The following ULK4 variants were observed in gnomAD, a reference collection of about 807,000 sequenced individuals.
The protein encoded by ULK4 is unc-51 like kinase 4, also known as inactive serine/threonine-protein kinase ULK4.
Under a neutral mutation model 160.6 loss-of-function variants are expected in ULK4, and 133 were observed. The observed-to-expected ratio is 0.83, with a 90% CI of 0.72 to 0.96. The LOEUF (loss-of-function observed/expected upper bound fraction) is 0.96, where lower values mean the gene tolerates loss of function less well. Ranked by LOEUF, ULK4 falls within the 40% of genes least tolerant of loss-of-function variation. ULK4 has a pLI of 0.00. For missense variants in ULK4, 1,580 were observed against 1,499.5 expected (o/e 1.05, Z -0.89); for synonymous variants, 534 against 539.8 (o/e 0.99, Z 0.15).
At chr3:41,937,254 G>T (rs1699806604) in intron 3 of ULK4, 3 of 639,420 alleles carry the variant, frequency 4.7e-6, no homozygotes, top group Non-Finnish European at 8.5e-6. Flanking sequence ...AGAAACAACA[G>T]CTGAAGCAAA....
rs751729576 is a variant in ULK4, at chr3:41,896,959, A to G, written c.1393T>C (p.Leu465=). The change falls in exon 15 of 37, where the codon TTG becomes CTG. Residue 465 remains leucine (L), a synonymous_variant. Coordinates refer to ENST00000301831, the MANE Select transcript of ULK4 (RefSeq NM_017886.4). The part of the protein sequence containing the change: ...FLKDQDWNDF[L]QQVCSQIDST... Reference sequence around the variant, plus strand: ...TCGATCTGCGAGCACACTTGTTGCAAAAAGTCATTCCAATCTTGATCTTTC... The same window carrying G: ...TCGATCTGCGAGCACACTTGTTGCAGAAAGTCATTCCAATCTTGATCTTTC... 2 of 1,613,350 alleles carry G rather than the reference A, an allele frequency of 1.2e-6. No homozygotes were observed. Among genetic ancestry groups the G allele is most frequent in the Non-Finnish European group, 1.7e-6 (2 of 1,179,846 alleles).
chr3:41,404,709 A>T (rs999057474), intron 34 of ULK4, among the ~76,000 whole-genome samples: 8 of 152,176 alleles, frequency 5.3e-5, no homozygotes, highest in Non-Finnish European at 1.0e-4. Flanking sequence ...TTATAAAAGG[A>T]CAAGTTTGGG....
At position 41,888,859 on chromosome 3, in the gene ULK4, A is replaced by G. The variant is rs916272083; in HGVS notation, c.1578-4907T>C. Reference sequence around the variant, plus strand: ...CCTCCAGCCTGCCTACCTGATCTTCAGCCAGCTGGAATTCCAAATTAAAGT... The same window carrying G: ...CCTCCAGCCTGCCTACCTGATCTTCGGCCAGCTGGAATTCCAAATTAAAGT... On this transcript the variant is annotated intron_variant, in intron 16 of 36. Transcript: ENST00000301831. Among the ~76,000 whole-genome samples the G allele has an allele frequency of 6.2e-4, 95 of 152,338 alleles. 1 individual carries two copies. Among genetic ancestry groups the G allele is most frequent in the African/African-American group, 1.8e-3 (75 of 41,570 alleles).
chr3:41,613,883 C>A (rs976187363), intron 31 of ULK4, among the ~76,000 whole-genome samples: 3 of 152,210 alleles, frequency 2.0e-5, no homozygotes, highest in East Asian at 3.8e-4. Flanking sequence ...GACATGCCTG[C>A]AAGGCCATAG....
chr3:41,453,160 T>A (rs971970679), intron 34 of ULK4, among the ~76,000 whole-genome samples: 2 of 152,070 alleles, frequency 1.3e-5, no homozygotes, highest in Admixed American at 1.3e-4. Flanking sequence ...GTGGTGAAAT[T>A]GCGTTTTTTT....
At chr3:41,387,231 G>T (rs1197991083) in intron 35 of ULK4, among the ~76,000 whole-genome samples, 1 of 152,024 alleles carries the variant, frequency 6.6e-6, no homozygotes, top group Non-Finnish European at 1.5e-5. Flanking sequence ...TCTTTGTGTT[G>T]AAAATGTTCA....
chr3:41,416,707 C>T (rs772751245), intron 34 of ULK4, among the ~76,000 whole-genome samples: 3 of 152,060 alleles, frequency 2.0e-5, no homozygotes, highest in Non-Finnish European at 4.4e-5. Flanking sequence ...AGTAGGGATG[C>T]CTGTGGGAAA....
chr3:41,732,298 A>G (rs2037858294), intron 22 of ULK4, among the ~76,000 whole-genome samples: 1 of 152,082 alleles, frequency 6.6e-6, no homozygotes, highest in South Asian at 2.1e-4. Flanking sequence ...CTGCTAAGAA[A>G]TGAGCAAATG....
In ULK4 at chr3:41,590,123, C is replaced by T. The variant is rs182100790; in HGVS notation, c.3121-23993G>A. 8.4e-4 allele frequency among the ~76,000 whole-genome samples: 128 copies of T among 151,948 alleles called. 1 individual carries two copies. The highest frequency in any genetic ancestry group is 8.4e-3 in the Admixed American group (128 of 15,284). ...ATTCACGCCATTCTCCTGCCTCAGCCACCCAAGTAGCTGGGACTACAGGCG... is the reference window on the plus strand; with the variant it reads ...ATTCACGCCATTCTCCTGCCTCAGCTACCCAAGTAGCTGGGACTACAGGCG... On this transcript the variant is annotated intron_variant, in intron 31 of 36. Coordinates refer to ENST00000301831, the MANE Select transcript of ULK4 (RefSeq NM_017886.4).
At chr3:41,402,582 T>C (rs1000638893) in intron 34 of ULK4, among the ~76,000 whole-genome samples, 1 of 152,238 alleles carries the variant, frequency 6.6e-6, no homozygotes, top group Non-Finnish European at 1.5e-5. Flanking sequence ...CTGGTGGTTC[T>C]GTCAATTACT....
Position 41,897,625 on chromosome 3 carries a change from T to C in ULK4, c.1349-622A>G, listed in dbSNP as rs1483193465. 2.0e-5 allele frequency among the ~76,000 whole-genome samples: 3 copies of C among 152,308 alleles called. No individual in the cohort carries two copies. In the South Asian group the frequency reaches 6.2e-4, roughly 32 times the overall value. On this transcript the variant is annotated intron_variant, in intron 14 of 36. Coordinates refer to ENST00000301831, the MANE Select transcript of ULK4 (RefSeq NM_017886.4). ...GGGAAATAGTATTTCCAGGTGATAA[T>C]TCTCTAGGTTTGCGTAAATAGTCCT...
chr3:41,657,172 T>G (rs1403628108), intron 30 of ULK4, among the ~76,000 whole-genome samples: 1 of 152,140 alleles, frequency 6.6e-6, no homozygotes. Context: ...CAATGCAGAT[T>G]TGATTATGCT....
intron 34 of ULK4, among the ~76,000 whole-genome samples, chr3:41,423,783 G>T (rs1326981136): frequency 6.6e-6 from 1 of 152,148 alleles, no homozygotes; most frequent in African/African-American, 2.4e-5. Context: ...CAGGGCAAGG[G>T]AGCTCCCACC....
intron 34 of ULK4, among the ~76,000 whole-genome samples, chr3:41,445,568 C>T (rs1009329247): frequency 1.3e-5 from 2 of 151,954 alleles, no homozygotes; most frequent in East Asian, 1.9e-4. Context: ...GAAATAATGC[C>T]GCATATCTAC....
rs1005395172 is a variant in ULK4, at chr3:41,474,086, G to A, written c.3227-10833C>T. Among the ~76,000 whole-genome samples, 10 of 152,168 alleles carry A rather than the reference G, an allele frequency of 6.6e-5. No individual in the cohort carries two copies. In the East Asian group the frequency reaches 1.2e-3, roughly 18 times the overall value. On this transcript the variant is annotated intron_variant, in intron 32 of 36. Transcript: ENST00000301831. Reference sequence around the variant, plus strand: ...GAACAAAAAGAACGAAGCTAGAGACGTCACACTTCCTGATTTCAAACTATA... The same window carrying A: ...GAACAAAAAGAACGAAGCTAGAGACATCACACTTCCTGATTTCAAACTATA...
chr3:41,444,588 G>C (rs2083252968), intron 34 of ULK4, among the ~76,000 whole-genome samples: 2 of 152,108 alleles, frequency 1.3e-5, no homozygotes, highest in African/African-American at 4.8e-5. Flanking sequence ...GGTTATTAGA[G>C]TCTAATTATT....
At chr3:41,766,100 C>T (rs902889742) in intron 21 of ULK4, among the ~76,000 whole-genome samples, 17 of 151,994 alleles carry the variant, frequency 1.1e-4, no homozygotes, top group East Asian at 7.7e-4. Flanking sequence ...AAAACCCCAT[C>T]TCTACTAAAA....
intron 30 of ULK4, among the ~76,000 whole-genome samples, chr3:41,617,596 A>G (rs1298859030): frequency 2.6e-5 from 4 of 152,302 alleles, no homozygotes; most frequent in African/African-American, 9.6e-5. Context: ...AAAAACCCCC[A>G]CACAAAAACC....
At chr3:41,435,377 T>A (rs2083010853) in intron 34 of ULK4, among the ~76,000 whole-genome samples, 1 of 152,048 alleles carries the variant, frequency 6.6e-6, no homozygotes, top group African/African-American at 2.4e-5. Flanking sequence ...CCAATCAACA[T>A]GAAAATAAAA....
Sources: allele counts gnomAD v4.1 joint callset (sites outside exome capture counted in the v4.1 genomes callset), GRCh38; gene constraint gnomAD v4.1.1; transcripts MANE v1.5; gene names NCBI Gene and HGNC (gene_info 2026-07-23, HGNC 2026-07-21).